TAS2R1: variants seen among roughly 807,000 people sequenced by gnomAD.
TAS2R1 encodes the protein taste receptor type 2 member 1.
For missense variants in TAS2R1, 370 were observed against 353.4 expected, an observed-to-expected ratio of 1.05 and a Z score of -0.38; for synonymous variants, 141 against 134.2, an observed-to-expected ratio of 1.05 and a Z score of -0.35.
At chr5:9,768,159 T>C in the TAS2R1 span, among the ~76,000 whole-genome samples, 2 of 152,096 alleles carry the variant, frequency 1.3e-5, no homozygotes, top group African/African-American at 4.8e-5. Flanking sequence ...CATCCCTCTC[T>C]GGAGACTGTG....
At chr5:9,797,255 G>A in the TAS2R1 span, among the ~76,000 whole-genome samples, 1 of 152,212 alleles carries the variant, frequency 6.6e-6, no homozygotes, top group Non-Finnish European at 1.5e-5. Context: ...CTACTGGCAT[G>A]TAGTGCGTAG....
chr5:9,673,984 T>TG (rs750664950), intron 1 of TAS2R1, among the ~76,000 whole-genome samples: 1 of 152,172 alleles, frequency 6.6e-6, no homozygotes, highest in Non-Finnish European at 1.5e-5. Flanking sequence ...CAGGAGATGC[T>TG]GGAGGCTCTG....
At chr5:9,780,711 G>A in the TAS2R1 span, among the ~76,000 whole-genome samples, 7,987 of 152,152 alleles carry the variant, frequency 0.052, 592 homozygotes, top group East Asian at 0.28. Context: ...GCGCATGCAC[G>A]CACATGTGCG....
Position 9,630,112 on chromosome 5 carries a change from A to G in TAS2R1, c.-80T>C, listed in dbSNP as rs1739845793. 3 of 1,217,900 alleles carry G rather than the reference A, an allele frequency of 2.5e-6. No individual in the cohort carries two copies. Among genetic ancestry groups the G allele is most frequent in the Non-Finnish European group, 2.2e-6 (2 of 891,154 alleles). 75.4% of individuals were successfully genotyped at this position (1,217,900 alleles called of 1,614,324 possible). The stretch of plus-strand genomic sequence containing the variant: ...CAGGTTGGGTTGTTCACGCTCTTCA[A>G]TTAGATCAGGACTCCTCTGGGGAAG... On this transcript the variant is annotated 5_prime_UTR_variant, in exon 1 of 1. Transcript: ENST00000382492.
chr5:9,815,779 T>G, the TAS2R1 span, among the ~76,000 whole-genome samples: 10 of 152,326 alleles, frequency 6.6e-5, no homozygotes, highest in Admixed American at 1.3e-4. Context: ...GAGCATGCTT[T>G]GTATTTGTTC....
At chr5:9,799,600 C>T in the TAS2R1 span, among the ~76,000 whole-genome samples, 1 of 152,216 alleles carries the variant, frequency 6.6e-6, no homozygotes, top group Non-Finnish European at 1.5e-5. Context: ...TACCGTTTCA[C>T]TGATCCTCTG....
At chr5:9,691,332 TC>T (rs1313488350) in intron 1 of TAS2R1, among the ~76,000 whole-genome samples, 7 of 152,182 alleles carry the variant, frequency 4.6e-5, no homozygotes, top group African/African-American at 1.4e-4. Context: ...CCATAGAACC[TC>T]CACAGGGAGT....
At chr5:9,673,580 A>T (rs1444228681) in intron 1 of TAS2R1, among the ~76,000 whole-genome samples, 1 of 151,880 alleles carries the variant, frequency 6.6e-6, no homozygotes, top group Non-Finnish European at 1.5e-5. Context: ...AATCAAAATA[A>T]GTATTTTAAG....
chr5:9,764,781 T>C, the TAS2R1 span, among the ~76,000 whole-genome samples: 523 of 152,326 alleles, frequency 3.4e-3, no homozygotes, highest in Non-Finnish European at 4.6e-3. Flanking sequence ...AGAAGCCATG[T>C]CTAAAGAAAG....
the TAS2R1 span, among the ~76,000 whole-genome samples, chr5:9,750,467 T>C: frequency 1.3e-5 from 2 of 152,184 alleles, no homozygotes; most frequent in African/African-American, 4.8e-5. Flanking sequence ...TCGACCAGAA[T>C]TAGTTACATT....
chr5:9,656,996 TG>T (rs1322070198), intron 2 of TAS2R1, among the ~76,000 whole-genome samples: 9 of 152,238 alleles, frequency 5.9e-5, no homozygotes, highest in South Asian at 4.1e-4. Flanking sequence ...AATATAGACT[TG>T]CAATTATTGA....
chr5:9,818,089 A>G, the TAS2R1 span, among the ~76,000 whole-genome samples: 1 of 152,202 alleles, frequency 6.6e-6, no homozygotes, highest in South Asian at 2.1e-4. Context: ...ACCATTCCGT[A>G]TAATCACTGT....
intron 2 of TAS2R1, among the ~76,000 whole-genome samples, chr5:9,650,456 T>G (rs1740281655): frequency 6.6e-6 from 1 of 152,124 alleles, no homozygotes; most frequent in Non-Finnish European, 1.5e-5. Context: ...ACCTGGATTC[T>G]CTATGTAGCT....
chr5:9,798,613 C>T, the TAS2R1 span, among the ~76,000 whole-genome samples: 7 of 152,208 alleles, frequency 4.6e-5, no homozygotes, highest in Non-Finnish European at 8.8e-5. Context: ...CCCAGAAATA[C>T]TGTTTATCCT....
chr5:9,825,000 C>G, the TAS2R1 span, among the ~76,000 whole-genome samples: 1 of 152,168 alleles, frequency 6.6e-6, no homozygotes, highest in Admixed American at 6.5e-5. Flanking sequence ...GCCCCCAACC[C>G]AACAGAAAAC....
At chr5:9,790,394 CAT>C in the TAS2R1 span, among the ~76,000 whole-genome samples, 1 of 152,176 alleles carries the variant, frequency 6.6e-6, no homozygotes, top group African/African-American at 2.4e-5. Context: ...TTAGCAACAA[CAT>C]ACATGACTCA....
chr5:9,727,398 G>T, the TAS2R1 span, among the ~76,000 whole-genome samples: 4 of 152,262 alleles, frequency 2.6e-5, no homozygotes, highest in East Asian at 7.7e-4. Context: ...TATTTGCTGG[G>T]ACATTTTATC....
At chr5:9,674,132 A>C (rs1740823830) in intron 1 of TAS2R1, among the ~76,000 whole-genome samples, 1 of 152,244 alleles carries the variant, frequency 6.6e-6, no homozygotes, top group Non-Finnish European at 1.5e-5. Flanking sequence ...GATTGAACAT[A>C]GACATATATG....
At chr5:9,892,332 T>C in the TAS2R1 span, among the ~76,000 whole-genome samples, 1 of 152,176 alleles carries the variant, frequency 6.6e-6, no homozygotes, top group Non-Finnish European at 1.5e-5. Flanking sequence ...GCCTAACAAC[T>C]TTATTACTAG....
Sources: allele counts gnomAD v4.1 joint callset (sites outside exome capture counted in the v4.1 genomes callset), GRCh38; gene constraint gnomAD v4.1.1; transcripts MANE v1.5; gene names NCBI Gene and HGNC (gene_info 2026-07-23, HGNC 2026-07-21).